DSG4: variants seen among roughly 807,000 people sequenced by gnomAD.
DSG4 encodes the protein desmoglein-4.
DSG4 carries 87 observed loss-of-function variants against 93.1 expected under a neutral mutation model. The ratio of observed to expected loss-of-function variants is 0.93; its 90% CI spans 0.79 to 1.12. The LOEUF is 1.12. Ranked by LOEUF, DSG4 falls within the 50% of genes most tolerant of loss-of-function variation. The pLI, the probability that DSG4 is intolerant of heterozygous loss-of-function variation, is 0.00. For missense variants in DSG4, 1,373 were observed against 1,285.7 expected (o/e 1.07, Z -1.04); for synonymous variants, 432 against 452.9 (o/e 0.95, Z 0.59).
intron 12 of DSG4, among the ~76,000 whole-genome samples, chr18:31,408,391 C>G (rs2072450440): frequency 6.6e-6 from 1 of 152,198 alleles, no homozygotes; most frequent in East Asian, 1.9e-4. Flanking sequence ...TAGGGGCTAC[C>G]AATTTTAGTT....
chr18:31,406,031 A>C (rs920173524), intron 11 of DSG4, 46 bp from the exon 12 acceptor site: 1 of 1,611,456 alleles, frequency 6.2e-7, no homozygotes, highest in African/African-American at 1.3e-5. Flanking sequence ...CCCCTAGCCC[A>C]CCAAGGAATT....
At chr18:31,379,904 A>G (rs11081695) in intron 1 of DSG4, among the ~76,000 whole-genome samples, 94,816 of 151,970 alleles carry the variant, frequency 0.62, 30,937 homozygotes, top group East Asian at 0.85. Flanking sequence ...AATACCCTAG[A>G]TTGCTTTAAA....
rs766917303 is a variant in DSG4 at position 31,388,886 on chromosome 18, G to C, written c.385G>C (p.Ala129Pro). Residue 129 changes from alanine (A) to proline (P), a missense_variant, in exon 5 of 16, where the codon GCT becomes CCT. Coordinates refer to ENST00000308128, the MANE Select transcript of DSG4 (RefSeq NM_177986.5). The part of the protein sequence containing the change: ...ITPLFLIYCR[A>P]LNSRGEDLER... ...CAATTTTCCACAGATCTATTGCCGG[G>C]CTCTGAATTCACGGGGTGAAGATTT... 11 of 1,613,528 alleles carry C rather than the reference G, an allele frequency of 6.8e-6. No individual in the cohort carries two copies. The highest frequency in any genetic ancestry group is 3.3e-5 in the South Asian group (3 of 91,030).
At chr18:31,384,072 C>G (rs552214327) in intron 1 of DSG4, among the ~76,000 whole-genome samples, 78 of 152,154 alleles carry the variant, frequency 5.1e-4, no homozygotes, top group Non-Finnish European at 9.6e-4. Context: ...TTAATATGAA[C>G]AAGTTTTCCC....
chr18:31,411,444 C>G lies in DSG4; in HGVS notation c.2351C>G (p.Ser784Trp), dbSNP rs780842650. 19 of 1,611,980 alleles carry G rather than the reference C, an allele frequency of 1.2e-5. No homozygotes were observed. The highest frequency in any genetic ancestry group is 1.4e-5 in the Non-Finnish European group (17 of 1,179,964). The change falls in exon 15 of 16, where the codon TCG becomes TGG. Residue 784 changes from serine to tryptophan, a missense_variant. Transcript: ENST00000308128. ...ATGGCTTTCTTGGACAGCTACTTCT[C>G]GGAGGTAATGCCCTCACAGTCACAC... ...INMAFLDSYF[S>W]EKAYAYADED...
chr18:31,384,024 T>C (rs943537684), intron 1 of DSG4, among the ~76,000 whole-genome samples: 5 of 152,204 alleles, frequency 3.3e-5, no homozygotes, highest in African/African-American at 4.8e-5. Flanking sequence ...AAGAATTTAA[T>C]GACTCTGCTA....
Position 31,409,779 on chromosome 18 carries a change from C to G in DSG4, c.2108C>G (p.Ser703Ter), listed in dbSNP as rs762832833. Residue 703 changes from serine to a stop codon, truncating the protein, a stop_gained, in exon 14 of 16, where the codon TCA becomes TGA. Transcript: ENST00000308128. LOFTEE classifies it high-confidence loss of function. ...AATATATGTGCACCCATGACAGCCTCAAATACCCAGGATCGGATGGATTCC... is the reference window on the plus strand; with the variant it reads ...AATATATGTGCACCCATGACAGCCTGAAATACCCAGGATCGGATGGATTCC... ...VSNICAPMTA[S>*]NTQDRMDSSE... 1.9e-6 allele frequency: 3 copies of G among 1,614,212 alleles called. No homozygotes were observed. Among genetic ancestry groups the G allele is most frequent in the Non-Finnish European group, 2.5e-6 (3 of 1,180,036 alleles).
intron 1 of DSG4, among the ~76,000 whole-genome samples, chr18:31,380,795 T>C (rs1395509783): frequency 2.6e-5 from 4 of 152,222 alleles, no homozygotes; most frequent in African/African-American, 9.6e-5. Flanking sequence ...GATGAAACAG[T>C]AGCCTTGTTC....
chr18:31,394,029 T>A, intron 8 of DSG4, among the ~76,000 whole-genome samples: 1 of 152,120 alleles, frequency 6.6e-6, no homozygotes, highest in East Asian at 1.9e-4. Context: ...GGGCCAGAGG[T>A]CAGCAAACTA....
chr18:31,390,638 C>G lies in DSG4; in HGVS notation c.518-18C>G. 4 of 1,613,092 alleles carry G rather than the reference C, an allele frequency of 2.5e-6. No homozygotes were observed. Among genetic ancestry groups the G allele is most frequent in the Non-Finnish European group, 3.4e-6 (4 of 1,179,298 alleles). On this transcript the variant is annotated intron_variant, in intron 5 of 15. Coordinates refer to ENST00000308128, the MANE Select transcript of DSG4 (RefSeq NM_177986.5). ...TCTAAGAGTCCCAACCATTCTCCAC[C>G]TCCATTTCTATTTCTAGATACATTG...
At position 31,388,314 on chromosome 18, in the gene DSG4, T is replaced by A. The variant is rs1466961787; in HGVS notation, c.217-53T>A. 17 of 1,602,756 alleles carry A rather than the reference T, an allele frequency of 1.1e-5. No individual in the cohort carries two copies. In the East Asian group the frequency reaches 3.8e-4, roughly 36 times the overall value. On this transcript the variant is annotated intron_variant, in intron 3 of 15. Transcript: ENST00000308128. The stretch of plus-strand genomic sequence containing the variant: ...ACTCCCTTCTTATTCCACTACACTC[T>A]TAAGCATTATCTGCTCTAAACTGGA...
At chr18:31,380,313 C>T (rs77480586) in intron 1 of DSG4, among the ~76,000 whole-genome samples, 16,928 of 152,120 alleles carry the variant, frequency 0.11, 1,165 homozygotes, top group Middle Eastern at 0.18. Flanking sequence ...ATCCTGAGTA[C>T]GTAGTCTGAC....
rs774667369 is a variant in DSG4 at position 31,413,568 on chromosome 18, C to G, written c.3096C>G (p.Tyr1032Ter). The G allele has an allele frequency of 6.2e-6, 10 of 1,613,848 alleles. No individual in the cohort carries two copies. In the African/African-American group the frequency reaches 1.2e-4, roughly 19 times the overall value. The change falls in exon 16 of 16, where the codon TAC (tyrosine) becomes TAG (stop). Residue 1032 changes from tyrosine to a stop codon, truncating the protein, a stop_gained. Coordinates refer to ENST00000308128, the MANE Select transcript of DSG4 (RefSeq NM_177986.5). LOFTEE classifies it high-confidence loss of function. Reference protein sequence around the residue: ...PMTSRHRVTRYSNIHYTQQ With the variant: ...PMTSRHRVTR The stretch of plus-strand genomic sequence containing the variant: ...CATCTCGACACAGAGTAACACGATA[C>G]AGTAACATACATTACACCCAACAGT...
chr18:31,382,967 G>A (rs2072151448), intron 1 of DSG4, among the ~76,000 whole-genome samples: 1 of 152,148 alleles, frequency 6.6e-6, no homozygotes, highest in African/African-American at 2.4e-5. Context: ...ATAAGACCAA[G>A]GTAAAATGAA....
In DSG4 at chr18:31,399,394, T is replaced by A. The variant is rs143590546; in HGVS notation, c.1128T>A (p.Val376=). The A allele has an allele frequency of 1.2e-6, 2 of 1,614,008 alleles. No individual in the cohort carries two copies. Among genetic ancestry groups the A allele is most frequent in the Non-Finnish European group, 1.7e-6 (2 of 1,179,996 alleles). ...ACCCAACCCCTGTGAGAATTCAAGTTGTTGATGTGAGAGAAGGACCTGCAT... is the reference window on the plus strand; with the variant it reads ...ACCCAACCCCTGTGAGAATTCAAGTAGTTGATGTGAGAGAAGGACCTGCAT... ...QMHPTPVRIQ[V]VDVREGPAFH... is the part of the protein sequence containing the mutation. The change falls in exon 9 of 16, where the codon GTT becomes GTA. Residue 376 remains valine, a synonymous_variant. Transcript: ENST00000308128.
rs28461835 is a variant in DSG4 at position 31,407,770 on chromosome 18, G to A, written c.1933+1397G>A. On this transcript the variant is annotated intron_variant, in intron 12 of 15. Transcript: ENST00000308128. ...CAATGATATTAGACACATTTTCCCA[G>A]AATATAACTCTACAGCAATTGAGTA... Among the ~76,000 whole-genome samples the A allele has an allele frequency of 9.9e-3, 1,511 of 152,286 alleles. 27 individuals are homozygous for A. Among genetic ancestry groups the A allele is most frequent in the African/African-American group, 0.034 (1,417 of 41,552 alleles).
chr18:31,409,945 T>G (rs968879146), intron 14 of DSG4, 137 bp downstream of exon 14: 4 of 1,002,370 alleles, frequency 4.0e-6, no homozygotes, highest in Non-Finnish European at 5.9e-6. Context: ...GAATGTGACC[T>G]GTTTGAAGTA....
intron 14 of DSG4, 146 bp from the exon 15 acceptor site, chr18:31,411,085 T>G: frequency 6.4e-7 from 1 of 1,565,186 alleles, no homozygotes; most frequent in Admixed American, 1.9e-5. Context: ...GATGTATCGG[T>G]GTAACTTGTA....
At chr18:31,396,022 C>T (rs1284013036) in intron 8 of DSG4, among the ~76,000 whole-genome samples, 1 of 152,058 alleles carries the variant, frequency 6.6e-6, no homozygotes, top group East Asian at 1.9e-4. Context: ...TACAGTTTAA[C>T]AAGAGAAAGA....
Sources: gnomAD v4.1 joint callset for allele counts (sites outside exome capture counted in the v4.1 genomes callset) on GRCh38, gnomAD v4.1.1 for gene constraint, MANE v1.5 for transcripts, NCBI Gene and HGNC (gene_info 2026-07-23, HGNC 2026-07-21) for gene names.